PSD2: variants seen among roughly 807,000 people sequenced by gnomAD.
PSD2 encodes the protein PH and SEC7 domain-containing protein 2.
Under a neutral mutation model 69.8 loss-of-function variants are expected in PSD2, and 38 were observed. The ratio of observed to expected loss-of-function variants is 0.54; its 90% CI spans 0.42 to 0.71. The LOEUF is 0.71. Ranked by LOEUF, PSD2 falls within the 30% of genes least tolerant of loss-of-function variation. The pLI is 0.00. For missense variants in PSD2, 943 were observed against 1,014.5 expected (o/e 0.93, Z 0.96); for synonymous variants, 412 against 423.0 (o/e 0.97, Z 0.32).
At chr5:139,779,132 A>T in the PSD2 span, among the ~76,000 whole-genome samples, 2 of 151,872 alleles carry the variant, frequency 1.3e-5, no homozygotes, top group African/African-American at 4.8e-5. Context: ...TTTATTTATT[A>T]ATTTTTTTTA....
the PSD2 span, among the ~76,000 whole-genome samples, chr5:139,783,943 CTT>C: frequency 0.093 from 8,147 of 87,634 alleles, 400 homozygotes; most frequent in Non-Finnish European, 0.099. Flanking sequence ...TCTGCTAGCT[CTT>C]TTTTTTTTTT....
chr5:139,838,646 G>A lies in PSD2; in HGVS notation c.1842G>A (p.Leu614=). Residue 614 remains leucine (L), a synonymous_variant, in exon 13 of 15, where the codon CTG becomes CTA. Coordinates refer to ENST00000274710, the MANE Select transcript of PSD2 (RefSeq NM_032289.4). ...TCCCCAGGAGCAAGGAAGAAATGCT[G>A]TCCTGGATCCTCAGGATCAACCTGG... ...LFQAPSKEEM[L]SWILRINLVA... The A allele has an allele frequency of 1.2e-6, 2 of 1,613,780 alleles. No individual in the cohort carries two copies. The highest frequency in any genetic ancestry group is 1.7e-6 in the Non-Finnish European group (2 of 1,179,766).
intron 7 of PSD2, among the ~76,000 whole-genome samples, chr5:139,824,249 C>T (rs1395403312): frequency 6.6e-6 from 1 of 152,204 alleles, no homozygotes; most frequent in Admixed American, 6.5e-5. Flanking sequence ...CAAGAGCACC[C>T]CGCAGCTTGG....
At chr5:139,829,807 T>G (rs1434568820) in intron 7 of PSD2, among the ~76,000 whole-genome samples, 5 of 152,176 alleles carry the variant, frequency 3.3e-5, no homozygotes, top group Non-Finnish European at 1.5e-5. Flanking sequence ...CGTGTACAAG[T>G]TTTTGTCTGA....
At chr5:139,815,865 T>G (rs57004210) in intron 4 of PSD2, among the ~76,000 whole-genome samples, 43,855 of 151,416 alleles carry the variant, frequency 0.29, 7,259 homozygotes, top group African/African-American at 0.46. Flanking sequence ...GCTGTGGTGG[T>G]TGCCTGTAAT....
intron 7 of PSD2, among the ~76,000 whole-genome samples, chr5:139,833,347 G>A (rs1206864951): frequency 6.6e-6 from 1 of 152,024 alleles, no homozygotes; most frequent in Non-Finnish European, 1.5e-5. Context: ...ATAAAAACAG[G>A]CACCTCACCT....
At chr5:139,805,346 G>A (rs530935959) in intron 1 of PSD2, among the ~76,000 whole-genome samples, 13 of 152,314 alleles carry the variant, frequency 8.5e-5, no homozygotes, top group African/African-American at 2.6e-4. Context: ...TTGTGACTCC[G>A]AGCAGTTCCT....
At chr5:139,792,189 T>A (rs1358146040), upstream of PSD2, among the ~76,000 whole-genome samples, 2 of 151,982 alleles carry the variant, frequency 1.3e-5, no homozygotes, top group Non-Finnish European at 2.9e-5. Context: ...CAGGGGCAGG[T>A]TACAACAAAG....
chr5:139,813,376 T>C lies in PSD2; in HGVS notation c.439T>C (p.Ser147Pro), dbSNP rs910348823. Residue 147 changes from serine (S) to proline (P), a missense_variant, in exon 3 of 15, where the codon TCA (serine) becomes CCA (proline). Ser to Pro is a moderately conservative substitution (Grantham distance 74). Transcript: ENST00000274710. ...FSATFEKILE[S>P]ELLRGTQYSS... ...CGCCACGTTTGAGAAGATTCTGGAG[T>C]CAGAGCTGCTGCGGGGCACCCAGTA... 1 of 1,597,828 alleles carries C rather than the reference T, an allele frequency of 6.3e-7. No individual in the cohort carries two copies. Among genetic ancestry groups the C allele is most frequent in the African/African-American group, 1.3e-5 (1 of 74,524 alleles).
chr5:139,789,173 C>T, the PSD2 span, among the ~76,000 whole-genome samples: 4 of 152,206 alleles, frequency 2.6e-5, no homozygotes, highest in Non-Finnish European at 4.4e-5. Flanking sequence ...ATTCATTCTT[C>T]GGTTCATCAC....
At chr5:139,813,952 C>A (rs540525870) in intron 3 of PSD2, among the ~76,000 whole-genome samples, 194 bp downstream of exon 3, 1 of 152,212 alleles carries the variant, frequency 6.6e-6, no homozygotes, top group South Asian at 2.1e-4. Flanking sequence ...GCCTTCTCAG[C>A]CCCGGTAGAA....
the PSD2 span, among the ~76,000 whole-genome samples, chr5:139,760,002 G>C: frequency 6.6e-6 from 1 of 152,152 alleles, no homozygotes; most frequent in Non-Finnish European, 1.5e-5. Context: ...GGGTGAGCCA[G>C]GCTGAGGACA....
intron 12 of PSD2, 58 bp from the exon 13 acceptor site, chr5:139,838,570 G>C (rs1414685095): frequency 1.9e-6 from 3 of 1,579,718 alleles, no homozygotes; most frequent in African/African-American, 1.3e-5. Flanking sequence ...GGGATGCTGA[G>C]TAGGGGACAG....
chr5:139,801,271 T>C (rs573942313), intron 1 of PSD2, among the ~76,000 whole-genome samples: 1 of 152,176 alleles, frequency 6.6e-6, no homozygotes, highest in Non-Finnish European at 1.5e-5. Context: ...TCTAGACTCA[T>C]TGTCTCCACA....
Position 139,837,653 on chromosome 5 carries a change from C to G in PSD2, c.1694C>G (p.Ser565Trp). The stretch of plus-strand genomic sequence containing the variant: ...GAGTACAGGCCTGACAAAGCTCTAT[C>G]GGAGGGTGACCTGAAGAACGCCATT... ...KDEYRPDKALSEGDLKNAIRV... is the reference protein window; with the variant it reads ...KDEYRPDKALWEGDLKNAIRV... The change falls in exon 12 of 15, where the codon TCG (serine) becomes TGG (tryptophan). Residue 565 changes from serine (S) to tryptophan (W), a missense_variant. Around this residue, in one of 3 missense-constraint regions of PSD2, gnomAD observed 312 missense variants for 400.7 expected, o/e 0.78. Coordinates refer to ENST00000274710, the MANE Select transcript of PSD2 (RefSeq NM_032289.4). The surrounding 1 kb of genome is among the most constrained non-coding windows in gnomAD (Gnocchi z 5.0). The G allele has an allele frequency of 6.2e-7, 1 of 1,613,404 alleles. No individual in the cohort carries two copies. The highest frequency in any genetic ancestry group is 1.1e-5 in the South Asian group (1 of 90,964).
chr5:139,768,516 A>T, the PSD2 span, among the ~76,000 whole-genome samples: 14 of 152,140 alleles, frequency 9.2e-5, no homozygotes, highest in Non-Finnish European at 2.1e-4. Flanking sequence ...TGAGGAAGGG[A>T]GTTCGAGACT....
intron 1 of PSD2, 52 bp from the exon 2 acceptor site, chr5:139,809,327 ACTTTAGGTGCCC>A: frequency 7.7e-7 from 1 of 1,305,008 alleles, no homozygotes; most frequent in Non-Finnish European, 1.0e-6. Flanking sequence ...GTTCTGCTGG[ACTTTAGGTGCCC>A]CCCAGCCCCA....
the PSD2 span, among the ~76,000 whole-genome samples, chr5:139,760,351 G>A: frequency 1.3e-5 from 2 of 152,316 alleles, no homozygotes; most frequent in East Asian, 1.9e-4. Context: ...CCAGGGTGGT[G>A]GAAACTTGAC....
chr5:139,757,096 A>G, the PSD2 span, among the ~76,000 whole-genome samples: 2 of 152,200 alleles, frequency 1.3e-5, no homozygotes, highest in Non-Finnish European at 2.9e-5. Flanking sequence ...AGGCCCATAG[A>G]TTGCATGAAG....
Sources: allele counts gnomAD v4.1 joint callset (sites outside exome capture counted in the v4.1 genomes callset), GRCh38; gene constraint gnomAD v4.1.1; regional missense constraint gnomAD v4.1.1; non-coding constraint Gnocchi (gnomAD v3.1); transcripts MANE v1.5; gene names NCBI Gene and HGNC (gene_info 2026-07-23, HGNC 2026-07-21).